Variants in DMD observed in about 807,000 individuals in gnomAD.
DMD encodes the protein mutant dystrophin.
Under a neutral mutation model 330.1 loss-of-function variants are expected in DMD, and 63 were observed. That is an observed-to-expected ratio of 0.19 (90% CI 0.16 to 0.24). DMD has a LOEUF of 0.24. DMD is among the 10% of genes least tolerant of loss of function. The probability of loss-of-function intolerance (pLI) is 1.00; values close to 1 mark genes in which losing one functional copy is unlikely to be tolerated. For synonymous variants in DMD, 1,223 were observed against 959.8 expected (o/e 1.27, Z -5.07); for missense variants, 3,344 against 2,684.1 (o/e 1.25, Z -5.43).
intron 1 of DMD, among the ~76,000 whole-genome samples, chrX:33,163,727 G>A (rs1214123225): frequency 9.3e-6 from 1 of 107,550 alleles, no homozygotes; most frequent in African/African-American, 3.4e-5. Flanking sequence ...AGGGGACCTC[G>A]TAGCTAAAAA....
At chrX:32,756,830 T>C (rs1198671560) in intron 7 of DMD, among the ~76,000 whole-genome samples, 2 of 111,401 alleles carry the variant, frequency 1.8e-5, no homozygotes, top group African/African-American at 3.3e-5. Context: ...TTTCCCAACT[T>C]TACAGTTAGA....
chrX:32,444,355 GC>G (rs1389179802), intron 27 of DMD, among the ~76,000 whole-genome samples: 1 of 107,826 alleles, frequency 9.3e-6, no homozygotes, highest in Non-Finnish European at 1.9e-5. Flanking sequence ...AAACTCAATA[GC>G]CCAGAGAAAA....
intron 1 of DMD, among the ~76,000 whole-genome samples, chrX:33,089,129 G>T (rs1489029098): frequency 2.0e-5 from 2 of 99,158 alleles, no homozygotes; most frequent in African/African-American, 7.8e-5. Context: ...GCAGTGTCAC[G>T]ATCTCGGCTC....
intron 6 of DMD, among the ~76,000 whole-genome samples, chrX:32,815,518 T>TATATAC: frequency 2.2e-5 from 1 of 45,476 alleles, no homozygotes; most frequent in East Asian, 4.6e-4. Context: ...TATATATATA[T>TATATAC]ATACACACAC....
intron 43 of DMD, among the ~76,000 whole-genome samples, chrX:32,256,341 AT>A (rs1215287040): frequency 4.1e-5 from 4 of 96,780 alleles, no homozygotes; most frequent in South Asian, 4.5e-4. Context: ...TTAATTTTTT[AT>A]TTTTTTGCTT....
At chrX:32,076,625 C>A (rs1302688491) in intron 44 of DMD, among the ~76,000 whole-genome samples, 2 of 111,246 alleles carry the variant, frequency 1.8e-5, no homozygotes, top group East Asian at 5.7e-4. Flanking sequence ...GTGATCCGCC[C>A]GCCTCAGGCT....
intron 2 of DMD, among the ~76,000 whole-genome samples, chrX:32,922,680 C>G (rs774805278): frequency 6.3e-4 from 71 of 112,414 alleles, no homozygotes; most frequent in Admixed American, 1.8e-3. Flanking sequence ...CAGGCTTGCC[C>G]GGGGCTCACT....
intron 2 of DMD, among the ~76,000 whole-genome samples, chrX:32,885,827 GA>G (rs35272541): frequency 0.012 from 784 of 64,935 alleles, 10 homozygotes; most frequent in East Asian, 0.06. Context: ...CCTTGAGGGG[GA>G]AAAAAAAAAA....
chrX:32,357,660 T>TACACACACACACACACACACAC (rs3044986), intron 37 of DMD, among the ~76,000 whole-genome samples: 2 of 94,844 alleles, frequency 2.1e-5, no homozygotes, highest in African/African-American at 7.8e-5. Flanking sequence ...CATACACAGA[T>TACACACACACACACACACACAC]ACACACACAC....
chrX:32,041,181 T>C (rs938924263), intron 44 of DMD, among the ~76,000 whole-genome samples: 1 of 112,356 alleles, frequency 8.9e-6, no homozygotes, highest in African/African-American at 3.2e-5. Flanking sequence ...CAAGTTGGAG[T>C]GTAAGCCAGC....
intron 7 of DMD, among the ~76,000 whole-genome samples, chrX:32,752,624 C>A (rs1166589945): frequency 1.9e-5 from 2 of 106,911 alleles, no homozygotes; most frequent in East Asian, 5.9e-4. Context: ...GTTGGGAAGG[C>A]AAGATTGGTT....
intron 23 of DMD, among the ~76,000 whole-genome samples, chrX:32,464,950 C>T (rs1433884795): frequency 8.9e-6 from 1 of 111,927 alleles, no homozygotes; most frequent in Non-Finnish European, 1.9e-5. Flanking sequence ...TATGATGTTA[C>T]TCTCGAGAAC....
chrX:31,262,889 A>AGT (rs1402872848), intron 62 of DMD, among the ~76,000 whole-genome samples: 3 of 112,780 alleles, frequency 2.7e-5, no homozygotes, highest in Non-Finnish European at 5.6e-5. Context: ...TCGGAAAGTG[A>AGT]GTGTATACCA....
intron 2 of DMD, among the ~76,000 whole-genome samples, chrX:33,004,631 A>T (rs896329154): frequency 9.1e-6 from 1 of 110,419 alleles, no homozygotes; most frequent in Non-Finnish European, 1.9e-5. Flanking sequence ...GTATTTTTTT[A>T]TAAAAAGTTT....
intron 63 of DMD, among the ~76,000 whole-genome samples, chrX:31,247,049 C>T (rs534385587): frequency 8.9e-6 from 1 of 112,012 alleles, no homozygotes; most frequent in South Asian, 3.7e-4. Context: ...TTCAAGCTCA[C>T]TGTAAGACCT....
intron 60 of DMD, among the ~76,000 whole-genome samples, chrX:31,387,362 G>C (rs191067238): frequency 4.5e-5 from 5 of 111,618 alleles, no homozygotes; most frequent in Admixed American, 1.9e-4. Flanking sequence ...TGTCTAGTAA[G>C]GGTGTTAGAC....
intron 59 of DMD, among the ~76,000 whole-genome samples, chrX:31,445,950 G>T (rs1025590703): frequency 2.7e-5 from 3 of 112,043 alleles, no homozygotes; most frequent in Non-Finnish European, 3.8e-5. Context: ...TGTGTACAAG[G>T]ACAGCACCAC....
chrX:31,968,658 T>C, intron 44 of DMD, 144 bp from the exon 45 acceptor site: 1 of 628,672 alleles, frequency 1.6e-6, no homozygotes, highest in East Asian at 3.6e-5. Context: ...CCTATGAAAC[T>C]GACATGCCCA....
chrX:31,321,583 CAAAAAAAA>C (rs1190446358), intron 62 of DMD, among the ~76,000 whole-genome samples: 5 of 10,470 alleles, frequency 4.8e-4, no homozygotes, highest in South Asian at 7.0e-3. Flanking sequence ...AACTCCATCT[CAAAAAAAA>C]AAAAAAAAAA....
Sources: allele counts gnomAD v4.1 joint callset (sites outside exome capture counted in the v4.1 genomes callset), GRCh38; gene constraint gnomAD v4.1.1; transcripts MANE v1.5; gene names NCBI Gene and HGNC (gene_info 2026-07-23, HGNC 2026-07-21).